FBN3: variants seen among roughly 807,000 people sequenced by gnomAD.
The protein encoded by FBN3 is fibrillin 3.
FBN3 carries 234 observed loss-of-function variants against 330.1 expected under a neutral mutation model. That is an observed-to-expected ratio of 0.71 (90% CI 0.64 to 0.79). FBN3 has a LOEUF of 0.79. Among genes scored for constraint, FBN3 ranks in the 30% least tolerant of loss-of-function variants. The pLI is 0.00. For missense variants in FBN3, 3,606 were observed against 3,886.9 expected, an observed-to-expected ratio of 0.93 and a Z score of 1.92; for synonymous variants, 1,458 against 1,517.3, an observed-to-expected ratio of 0.96 and a Z score of 0.91.
At chr19:8,144,198 C>A (rs567441251) in intron 6 of FBN3, among the ~76,000 whole-genome samples, 1 of 151,880 alleles carries the variant, frequency 6.6e-6, no homozygotes, top group Admixed American at 6.6e-5. Context: ...GCCAGGAGTT[C>A]GAGGCCAGCC....
intron 25 of FBN3, among the ~76,000 whole-genome samples, chr19:8,119,812 C>G (rs955646427): frequency 8.3e-6 from 1 of 121,130 alleles, no homozygotes; most frequent in African/African-American, 3.1e-5. Context: ...CCGAGCCCAG[C>G]CTTTTTTTTT....
chr19:8,128,162 C>T (rs1192543461), intron 18 of FBN3, among the ~76,000 whole-genome samples: 2 of 152,222 alleles, frequency 1.3e-5, no homozygotes, highest in African/African-American at 2.4e-5. Flanking sequence ...CCTAGAAGCT[C>T]TCCAAACTCT....
chr19:8,086,431 T>C (rs1214688174), intron 54 of FBN3, 106 bp from the exon 55 acceptor site: 2 of 467,898 alleles, frequency 4.3e-6, no homozygotes, highest in East Asian at 4.0e-5. Flanking sequence ...TCTTGCTTAT[T>C]TTTATTTTAT....
chr19:8,081,201 C>A, intron 58 of FBN3, 82 bp from the exon 59 acceptor site: 1 of 1,499,526 alleles, frequency 6.7e-7, no homozygotes, highest in Non-Finnish European at 9.2e-7. Context: ...CTTGCCACCT[C>A]CAGGCAGAGG....
chr19:8,097,885 G>T (rs1474126393), intron 41 of FBN3, among the ~76,000 whole-genome samples: 1 of 152,182 alleles, frequency 6.6e-6, no homozygotes, highest in Non-Finnish European at 1.5e-5. Flanking sequence ...AGCCAGACAT[G>T]AAAGAACAAT....
chr19:8,132,514 G>A (rs771416010), intron 14 of FBN3, among the ~76,000 whole-genome samples: 5 of 151,036 alleles, frequency 3.3e-5, no homozygotes, highest in South Asian at 2.1e-4. Flanking sequence ...CTTCTGAGAC[G>A]GAGTCTCACT....
chr19:8,129,062 G>A lies in FBN3; in HGVS notation c.2262C>T (p.Gly754=), dbSNP rs772772913. 8 of 1,613,430 alleles carry A rather than the reference G, an allele frequency of 5.0e-6. No homozygotes were observed. The Admixed American group carries it at 1.2e-4, about 24-fold the overall frequency. Residue 754 remains glycine (G), a synonymous_variant, in exon 18 of 64, where the codon GGC becomes GGT. Transcript: ENST00000600128. This position sits in a 1 kb window ranked among gnomAD's most constrained non-coding sequence, Gnocchi z 4.5. ...TCTCCGTGTCCTGCCAGAAGTGGAA[G>A]CCGGGGGGGCAGGAGCAGCTGTAGC... is the stretch of plus-strand genomic sequence containing the variant. ...PGSYSCSCPP[G]FHFWQDTEIC... is the part of the protein sequence containing the mutation.
In FBN3 at chr19:8,109,831, T is replaced by A. The variant is rs1426774743; in HGVS notation, c.4334-78A>T. 1 of 1,420,130 alleles carries A rather than the reference T, an allele frequency of 7.0e-7. No homozygotes were observed. Among genetic ancestry groups the A allele is most frequent in the African/African-American group, 1.5e-5 (1 of 68,864 alleles). 88.0% of individuals were successfully genotyped at this position (1,420,130 alleles called of 1,614,324 possible). The stretch of plus-strand genomic sequence containing the variant: ...CCCTCCTAGCTTCATCCTGGGAAGC[T>A]ACAGCCCTCGCTCAAGGTCAACTCC... On this transcript the variant is annotated intron_variant, in intron 34 of 63. Transcript: ENST00000600128. The surrounding 1 kb of genome is among the most constrained non-coding windows in gnomAD (Gnocchi z 5.2).
Position 8,110,858 on chromosome 19 carries a change from A to AC in FBN3, c.4319dup (p.Gly1441TrpfsTer22). On this transcript the variant is annotated frameshift_variant, in exon 34 of 64. Coordinates refer to ENST00000600128, the MANE Select transcript of FBN3 (RefSeq NM_032447.5). LOFTEE classifies it high-confidence loss of function. ...ATGACCTCACACCTGTGCAGTTGCC[A>AC]CCCCCTCGGTCCAGTTCGTAGCCAC... 1 of 1,613,910 alleles carries AC rather than the reference A, an allele frequency of 6.2e-7. No homozygotes were observed. The highest frequency in any genetic ancestry group is 8.5e-7 in the Non-Finnish European group (1 of 1,179,962).
At chr19:8,145,013 G>A in intron 5 of FBN3, 41 bp from the exon 6 acceptor site, 1 of 1,507,100 alleles carries the variant, frequency 6.6e-7, no homozygotes, top group Non-Finnish European at 9.1e-7. Flanking sequence ...TCCCCCAGCA[G>A]CAGAGAGAGC....
rs1568434037 is a variant in FBN3 at position 8,126,757 on chromosome 19, C to T, written c.2372G>A (p.Cys791Tyr). 3.1e-6 allele frequency: 5 copies of T among 1,593,326 alleles called. No homozygotes were observed. In the South Asian group the frequency reaches 4.5e-5, roughly 14 times the overall value. Residue 791 changes from cysteine to tyrosine, a missense_variant, in exon 19 of 64, where the codon TGT becomes TAT. Coordinates refer to ENST00000600128, the MANE Select transcript of FBN3 (RefSeq NM_032447.5). ...RNLAGSYTCK[C>Y]GPGSRLDPSG... is the part of the protein sequence containing the mutation. ...GGGGTCCAGCCGGCTGCCAGGGCCA[C>T]ATTTGCAGGTGTAGGAGCCGGCCAG...
Position 8,066,169 on chromosome 19 carries a change from C to G in FBN3, c.8180G>C (p.Arg2727Pro), listed in dbSNP as rs75174438. The G allele has an allele frequency of 1.9e-6, 3 of 1,612,726 alleles. No individual in the cohort carries two copies. Among genetic ancestry groups the G allele is most frequent in the Admixed American group, 3.3e-5 (2 of 59,982 alleles). Residue 2727 changes from arginine to proline, a missense_variant, in exon 64 of 64, where the codon CGG becomes CCG. Coordinates refer to ENST00000600128, the MANE Select transcript of FBN3 (RefSeq NM_032447.5). Reference sequence around the variant, plus strand: ...GCCCTCTAGACCCTCCAGGGCCGGCCGGAGCTCCAGGATGCGCTCGGCCCG... The same window carrying G: ...GCCCTCTAGACCCTCCAGGGCCGGCGGGAGCTCCAGGATGCGCTCGGCCCG... ...LGRAERILEL[R>P]PALEGLEGRI...
chr19:8,108,355 T>C, intron 36 of FBN3, 117 bp from the exon 37 acceptor site: 2 of 743,930 alleles, frequency 2.7e-6, no homozygotes, highest in Non-Finnish European at 4.4e-6. Context: ...ATCCTTCTAC[T>C]GTACTAACGA....
chr19:8,070,029 A>AG (rs2081478696), intron 63 of FBN3, among the ~76,000 whole-genome samples: 1 of 152,216 alleles, frequency 6.6e-6, no homozygotes, highest in African/African-American at 2.4e-5. Context: ...TTGAGTACCA[A>AG]GGGGTACCAA....
At chr19:8,097,598 G>T (rs1335257089) in intron 41 of FBN3, among the ~76,000 whole-genome samples, 184 bp from the exon 42 acceptor site, 1 of 152,184 alleles carries the variant, frequency 6.6e-6, no homozygotes, top group Non-Finnish European at 1.5e-5. Flanking sequence ...GTGAGGAGTG[G>T]GAGGAAAGAC....
In FBN3 at chr19:8,144,923, G is replaced by A. The variant is rs142825892; in HGVS notation, c.495C>T (p.Asn165=). Residue 165 remains asparagine, a synonymous_variant, in exon 6 of 64, where the codon AAC becomes AAT. Transcript: ENST00000600128. Reference sequence around the variant, plus strand: ...TGAAGCCATACACACAGGCGCAGCGGTTGGGCCCAATGCAGCGACCCCCAT... The same window carrying A: ...TGAAGCCATACACACAGGCGCAGCGATTGGGCCCAATGCAGCGACCCCCAT... ...CHNGGRCIGP[N]RCACVYGFMG... The A allele has an allele frequency of 7.5e-4, 1,212 of 1,612,580 alleles. 6 individuals are homozygous for A. In the African/African-American group the frequency reaches 0.015, roughly 19 times the overall value.
chr19:8,103,539 C>T (rs2082373787), intron 39 of FBN3, 23 bp downstream of exon 39: 2 of 1,608,940 alleles, frequency 1.2e-6, no homozygotes, highest in East Asian at 2.2e-5. Flanking sequence ...ACTGCCAGTT[C>T]CCTAGGTCAT....
chr19:8,093,587 C>A (rs945441841), intron 47 of FBN3, among the ~76,000 whole-genome samples: 1 of 152,094 alleles, frequency 6.6e-6, no homozygotes, highest in Non-Finnish European at 1.5e-5. Context: ...TGTGCCACTG[C>A]ACTCCAGCCT....
In FBN3 at chr19:8,109,311, C is replaced by T; in HGVS notation, c.4534G>A (p.Val1512Ile). ...CAGCAGGAAGCTCGGGTGACACCAA[C>T]TCCGATCTCGGCACTGCAGGAAATG... ...SGISCSAEIG[V>I]GVTRASCCCS... Residue 1512 changes from valine (V) to isoleucine (I), a missense_variant, in exon 36 of 64, where the codon GTT becomes ATT. Transcript: ENST00000600128. This position sits in a 1 kb window ranked among gnomAD's most constrained non-coding sequence, Gnocchi z 5.2. 1 of 1,614,228 alleles carries T rather than the reference C, an allele frequency of 6.2e-7. No individual in the cohort carries two copies. Among genetic ancestry groups the T allele is most frequent in the Non-Finnish European group, 8.5e-7 (1 of 1,180,044 alleles).
Sources: allele counts gnomAD v4.1 joint callset (sites outside exome capture counted in the v4.1 genomes callset), GRCh38; gene constraint gnomAD v4.1.1; non-coding constraint Gnocchi (gnomAD v3.1); transcripts MANE v1.5; gene names NCBI Gene and HGNC (gene_info 2026-07-23, HGNC 2026-07-21).